Variants in MEAF6 observed in about 807,000 individuals in gnomAD.
MEAF6 encodes the protein chromatin modification-related protein MEAF6.
A neutral mutation model predicts 28.9 loss-of-function variants in MEAF6; 15 were observed. The ratio of observed to expected loss-of-function variants is 0.52; its 90% confidence interval spans 0.35 to 0.80. The LOEUF is 0.80. MEAF6 is among the 30% of genes least tolerant of loss of function. The pLI is 0.01. For missense variants in MEAF6, 178 were observed against 237.5 expected (o/e 0.75, Z 1.65); for synonymous variants, 97 against 88.7 (o/e 1.09, Z -0.53).
chr1:37,508,584 C>G (rs1642564048), intron 4 of MEAF6, among the ~76,000 whole-genome samples: 1 of 151,970 alleles, frequency 6.6e-6, no homozygotes, highest in Non-Finnish European at 1.5e-5. Context: ...TGCACTGGGC[C>G]AAGATGAACA....
At chr1:37,497,785 T>G (rs1026289647) in intron 5 of MEAF6, among the ~76,000 whole-genome samples, 2 of 151,800 alleles carry the variant, frequency 1.3e-5, no homozygotes, top group African/African-American at 2.4e-5. Flanking sequence ...AGAGACAGGG[T>G]TTCACCATGT....
At chr1:37,494,255 C>T (rs1028844149) in intron 6 of MEAF6, 148 bp from the exon 7 acceptor site, 4 of 709,666 alleles carry the variant, frequency 5.6e-6, no homozygotes, top group Non-Finnish European at 9.6e-6. Flanking sequence ...GTGGCTCACA[C>T]CTGTAATCCC....
chr1:37,507,824 T>TAAAAAAAAAAAAAAAAACAAAAAA (rs770678028), intron 4 of MEAF6, among the ~76,000 whole-genome samples: 1 of 132,198 alleles, frequency 7.6e-6, no homozygotes, highest in Non-Finnish European at 1.6e-5. Flanking sequence ...GACTCCGTCT[T>TAAAAAAAAAAAAAAAAACAAAAAA]AAAAAAAAAA....
rs1642317924 is a variant in MEAF6 at position 37,501,917 on chromosome 1, A to G, written c.420T>C (p.Pro140=). 6.2e-7 allele frequency: 1 copy of G among 1,611,100 alleles called. No individual in the cohort carries two copies. Among genetic ancestry groups the G allele is most frequent in the Non-Finnish European group, 8.5e-7 (1 of 1,177,688 alleles). Residue 140 remains proline, a synonymous_variant, in exon 5 of 7, where the codon CCT becomes CCC. Transcript: ENST00000296214. Reference sequence around the variant, plus strand: ...CCTGCACAGATCCATCCAGATCCTCAGGGTCCTCCTGGCTGGGCTCATTTT... The same window carrying G: ...CCTGCACAGATCCATCCAGATCCTCGGGGTCCTCCTGGCTGGGCTCATTTT... The part of the protein sequence containing the change: ...NQENEPSQED[P]EDLDGSVQGV...
intron 4 of MEAF6, among the ~76,000 whole-genome samples, chr1:37,503,368 A>G (rs916123740): frequency 2.0e-5 from 3 of 152,226 alleles, no homozygotes; most frequent in Non-Finnish European, 2.9e-5. Context: ...TTAAGACTAT[A>G]GATTAGGCAC....
chr1:37,507,449 G>C (rs1343893110), intron 4 of MEAF6, among the ~76,000 whole-genome samples: 1 of 134,282 alleles, frequency 7.4e-6, no homozygotes, highest in African/African-American at 2.8e-5. Flanking sequence ...AAAGAAGTAA[G>C]ATTTAAAAAA....
chr1:37,513,703 A>C (rs1262809479), intron 1 of MEAF6, 165 bp from the exon 2 acceptor site: 2 of 637,628 alleles, frequency 3.1e-6, no homozygotes, highest in African/African-American at 3.6e-5. Context: ...TTTAGGACTA[A>C]GACAGTCTAG....
intron 3 of MEAF6, 42 bp from the exon 4 acceptor site, chr1:37,509,365 C>T (rs539150232): frequency 9.9e-6 from 16 of 1,611,220 alleles, no homozygotes; most frequent in Non-Finnish European, 1.3e-5. Context: ...TGACCACAGA[C>T]CTCAGAAGAG....
At chr1:37,495,697 CA>C (rs1373520573) in intron 6 of MEAF6, among the ~76,000 whole-genome samples, 187 bp downstream of exon 6, 11 of 92,676 alleles carry the variant, frequency 1.2e-4, no homozygotes, top group African/African-American at 4.0e-4. Context: ...AAAAAAAAAA[CA>C]AAAAACAAAA....
rs754346472 is a variant in MEAF6, at chr1:37,509,472, A to C, written c.277T>G (p.Ser93Ala). Residue 93 changes from serine to alanine, a missense_variant, in exon 3 of 7, where the codon TCG becomes GCG. Coordinates refer to ENST00000296214, the MANE Select transcript of MEAF6 (RefSeq NM_001270875.3). ...KEAERLFSKS[S>A]VTSAAAVSAL... Reference sequence around the variant, plus strand: ...CTACTTACAGCTGCTGAGGTAACCGAGGATTTACTGAAGAGCCGCTCAGCT... The same window carrying C: ...CTACTTACAGCTGCTGAGGTAACCGCGGATTTACTGAAGAGCCGCTCAGCT... The C allele has an allele frequency of 6.2e-7, 1 of 1,614,054 alleles. No individual in the cohort carries two copies. The highest frequency in any genetic ancestry group is 8.5e-7 in the Non-Finnish European group (1 of 1,180,004).
intron 6 of MEAF6, among the ~76,000 whole-genome samples, chr1:37,494,882 A>G (rs953705348): frequency 2.0e-4 from 30 of 152,010 alleles, no homozygotes; most frequent in African/African-American, 6.0e-4. Flanking sequence ...ATAATGTACA[A>G]TATTTCACAT....
Position 37,491,322 on chromosome 1 carries a change from T to C in MEAF6, c.*2777A>G, listed in dbSNP as rs1334125049. ...GAGTTCGAGACCAGCCTGCCCATCA[T>C]GGCAAAACCCCATCTCCACTAAAAA... On this transcript the variant is annotated 3_prime_UTR_variant, in exon 7 of 7. Coordinates refer to ENST00000296214, the MANE Select transcript of MEAF6 (RefSeq NM_001270875.3). Among the ~76,000 whole-genome samples, 1 of 152,126 alleles carries C rather than the reference T, an allele frequency of 6.6e-6. No homozygotes were observed. Among genetic ancestry groups the C allele is most frequent in the Non-Finnish European group, 1.5e-5 (1 of 68,022 alleles).
At position 37,490,868 on chromosome 1, in the gene MEAF6, T is replaced by TA. The variant is rs35026214; in HGVS notation, c.*3230dup. Among the ~76,000 whole-genome samples the TA allele has an allele frequency of 0.051, 7,717 of 150,160 alleles. 284 individuals carry two copies. Among genetic ancestry groups the TA allele is most frequent in the Non-Finnish European group, 0.078 (5,234 of 67,528 alleles). ...GGTGAAACCCGGTCTCTATTGAAAA[T>TA]AAAAAAAAACTAGCTGGGTGTGGTA... is the stretch of plus-strand genomic sequence containing the variant. On this transcript the variant is annotated 3_prime_UTR_variant, in exon 7 of 7. Transcript: ENST00000296214.
At chr1:37,510,257 A>G (rs745550827) in intron 2 of MEAF6, among the ~76,000 whole-genome samples, 3 of 148,250 alleles carry the variant, frequency 2.0e-5, no homozygotes, top group Non-Finnish European at 4.4e-5. Context: ...CTTTTTTTGT[A>G]TCTTTAGTAG....
intron 4 of MEAF6, 116 bp downstream of exon 4, chr1:37,509,162 G>A: frequency 1.0e-6 from 1 of 961,842 alleles, no homozygotes; most frequent in Non-Finnish European, 1.6e-6. Flanking sequence ...GGAAGAAGAG[G>A]GAAAAGGGAA....
intron 4 of MEAF6, among the ~76,000 whole-genome samples, chr1:37,509,041 G>A (rs1267054900): frequency 4.6e-5 from 7 of 152,156 alleles, no homozygotes; most frequent in South Asian, 2.1e-4. Flanking sequence ...AGGCTGCAGC[G>A]AACTATGATC....
At chr1:37,513,821 C>G in intron 1 of MEAF6, 1 of 513,646 alleles carries the variant, frequency 1.9e-6, no homozygotes, top group South Asian at 3.2e-5. Context: ...AACCATGAGT[C>G]AAGAGCCCAG....
intron 5 of MEAF6, chr1:37,496,569 T>A: frequency 7.0e-7 from 1 of 1,429,408 alleles, no homozygotes; most frequent in Non-Finnish European, 9.2e-7. Flanking sequence ...TTTCTGTTTT[T>A]AAAAAAAACT....
chr1:37,512,329 CT>C (rs1642695936), intron 2 of MEAF6, among the ~76,000 whole-genome samples: 1 of 152,076 alleles, frequency 6.6e-6, no homozygotes, highest in Non-Finnish European at 1.5e-5. Flanking sequence ...TGCCAACTCC[CT>C]ATGAATCTAT....
Sources: gnomAD v4.1 joint callset for allele counts (sites outside exome capture counted in the v4.1 genomes callset) on GRCh38, gnomAD v4.1.1 for gene constraint, MANE v1.5 for transcripts, NCBI Gene and HGNC (gene_info 2026-07-23, HGNC 2026-07-21) for gene names.